RTL4: variants seen among roughly 807,000 people sequenced by gnomAD.
RTL4 encodes the protein retrotransposon Gag like 4.
A neutral mutation model predicts 5.3 loss-of-function variants in RTL4; 4 were observed. That is an observed-to-expected ratio of 0.75 (90% CI 0.37 to 1.72). The LOEUF is 1.72. Among genes scored for constraint, RTL4 ranks in the 40% most tolerant of loss-of-function variants. The pLI is 0.04. For synonymous variants in RTL4, 98 were observed against 87.3 expected (o/e 1.12, Z -0.68); for missense variants, 260 against 227.1 (o/e 1.14, Z -0.93).
the RTL4 span, among the ~76,000 whole-genome samples, chrX:112,128,583 CG>C: frequency 6.5e-3 from 666 of 103,125 alleles, 7 homozygotes; most frequent in Non-Finnish European, 0.011. Context: ...CGCTTGAACC[CG>C]GAAGTGGAGG....
chrX:112,455,135 T>A, exon 1 of RTL4: 1 of 1,211,886 alleles, frequency 8.3e-7, no homozygotes, highest in East Asian at 3.0e-5. Flanking sequence ...CAGCAGTCAT[T>A]TGGTAAACCC....
At chrX:112,265,580 T>C in the RTL4 span, among the ~76,000 whole-genome samples, 1 of 111,927 alleles carries the variant, frequency 8.9e-6, no homozygotes, top group South Asian at 3.8e-4. Context: ...ACATGAAATA[T>C]TGTGGGGTTC....
At chrX:112,113,564 G>A in the RTL4 span, among the ~76,000 whole-genome samples, 1 of 111,003 alleles carries the variant, frequency 9.0e-6, no homozygotes, top group African/African-American at 3.3e-5. Flanking sequence ...GCCCTCAATG[G>A]TTAAATGTAC....
the RTL4 span, among the ~76,000 whole-genome samples, chrX:112,176,722 T>C: frequency 2.7e-5 from 3 of 112,016 alleles, no homozygotes; most frequent in South Asian, 1.1e-3. Flanking sequence ...ATAAGATTAA[T>C]TATTGATAAC....
At chrX:112,350,053 A>C in the RTL4 span, among the ~76,000 whole-genome samples, 1 of 110,718 alleles carries the variant, frequency 9.0e-6, no homozygotes, top group African/African-American at 3.3e-5. Flanking sequence ...TACCTAATTT[A>C]TTGAGAGTTT....
At chrX:112,351,720 G>A in the RTL4 span, among the ~76,000 whole-genome samples, 1 of 109,869 alleles carries the variant, frequency 9.1e-6, no homozygotes, top group Non-Finnish European at 1.9e-5. Flanking sequence ...CATTTGCTTG[G>A]TAGATCTTCC....
the RTL4 span, among the ~76,000 whole-genome samples, chrX:112,283,401 G>T: frequency 1.8e-5 from 2 of 111,599 alleles, no homozygotes; most frequent in African/African-American, 6.5e-5. Flanking sequence ...GTGCCAGAGA[G>T]ATCAAGAAAT....
the RTL4 span, among the ~76,000 whole-genome samples, chrX:112,327,825 A>G: frequency 1.8e-5 from 2 of 112,013 alleles, no homozygotes; most frequent in Non-Finnish European, 3.8e-5. Flanking sequence ...AAACTCTACA[A>G]GCCAGAAGAG....
the RTL4 span, among the ~76,000 whole-genome samples, chrX:112,374,891 A>G: frequency 1.8e-5 from 2 of 111,654 alleles, no homozygotes; most frequent in African/African-American, 6.5e-5. Flanking sequence ...CTCCCTCCCA[A>G]TGACTGGTTG....
chrX:112,410,646 A>C, the RTL4 span, among the ~76,000 whole-genome samples: 1 of 112,080 alleles, frequency 8.9e-6, no homozygotes, highest in East Asian at 2.8e-4. Context: ...TTGGTGTATG[A>C]AGAAATAAAC....
chrX:112,363,408 G>C, the RTL4 span, among the ~76,000 whole-genome samples: 1 of 111,144 alleles, frequency 9.0e-6, no homozygotes, highest in African/African-American at 3.3e-5. Context: ...AATTATTTGG[G>C]GAATGGTAGG....
chrX:112,383,056 A>G, the RTL4 span, among the ~76,000 whole-genome samples: 1 of 112,065 alleles, frequency 8.9e-6, no homozygotes, highest in Non-Finnish European at 1.9e-5. Flanking sequence ...GATAGCAAGT[A>G]AAATGATGTT....
the RTL4 span, among the ~76,000 whole-genome samples, chrX:112,260,173 G>T: frequency 9.0e-6 from 1 of 111,702 alleles, no homozygotes; most frequent in Non-Finnish European, 1.9e-5. Flanking sequence ...TCTAGGGCTG[G>T]TGGTTGCAGT....
the RTL4 span, among the ~76,000 whole-genome samples, chrX:112,394,429 G>T: frequency 1.8e-5 from 2 of 111,028 alleles, no homozygotes; most frequent in African/African-American, 6.6e-5. Context: ...TCCTCTGACT[G>T]TACGTTTTTT....
At chrX:112,327,043 A>T in the RTL4 span, among the ~76,000 whole-genome samples, 3 of 112,108 alleles carry the variant, frequency 2.7e-5, no homozygotes, top group African/African-American at 9.7e-5. Flanking sequence ...AGATAAAACC[A>T]CAAAGATGGG....
the RTL4 span, among the ~76,000 whole-genome samples, chrX:112,095,660 G>A: frequency 9.0e-6 from 1 of 111,329 alleles, no homozygotes; most frequent in African/African-American, 3.3e-5. Context: ...ATGATAGAGT[G>A]CATGCAATGG....
At chrX:112,345,188 G>A in the RTL4 span, among the ~76,000 whole-genome samples, 1 of 111,247 alleles carries the variant, frequency 9.0e-6, no homozygotes, top group African/African-American at 3.3e-5. Flanking sequence ...GTTGTGGGCT[G>A]TTGATTGCTG....
At chrX:112,245,528 C>A in the RTL4 span, among the ~76,000 whole-genome samples, 1 of 111,683 alleles carries the variant, frequency 9.0e-6, no homozygotes, top group African/African-American at 3.3e-5. Context: ...GTTCTCATGC[C>A]ATGGTTTTCA....
At chrX:112,455,272 G>A in exon 1 of RTL4, 2 of 1,211,251 alleles carry the variant, frequency 1.7e-6, no homozygotes, top group East Asian at 5.9e-5. Flanking sequence ...CAATCAGAGT[G>A]GTCAGTTCGA....
Sources: gnomAD v4.1 joint callset for allele counts (sites outside exome capture counted in the v4.1 genomes callset) on GRCh38, gnomAD v4.1.1 for gene constraint, MANE v1.5 for transcripts, NCBI Gene and HGNC (gene_info 2026-07-23, HGNC 2026-07-21) for gene names.